KDM4A: variants seen among roughly 807,000 people sequenced by gnomAD.
KDM4A encodes lysine demethylase 4A.
A neutral mutation model predicts 127.1 loss-of-function variants in KDM4A; 23 were observed. The observed-to-expected ratio is 0.18, with a 90% CI of 0.13 to 0.26. The LOEUF (loss-of-function observed/expected upper bound fraction) is 0.26, where lower values mean the gene tolerates loss of function less well. Among genes scored for constraint, KDM4A ranks in the 10% least tolerant of loss-of-function variants. The pLI is 1.00. For synonymous variants in KDM4A, 443 were observed against 466.5 expected, an observed-to-expected ratio of 0.95 and a Z score of 0.65; for missense variants, 890 against 1,329.1, an observed-to-expected ratio of 0.67 and a Z score of 5.14.
intron 10 of KDM4A, among the ~76,000 whole-genome samples, chr1:43,670,808 A>G (rs1660601686): frequency 6.6e-6 from 1 of 151,870 alleles, no homozygotes; most frequent in Non-Finnish European, 1.5e-5. Context: ...TGATCCGCCC[A>G]CCTCAGCCTC....
intron 13 of KDM4A, 108 bp downstream of exon 13, chr1:43,689,203 T>A: frequency 9.0e-7 from 1 of 1,105,406 alleles, no homozygotes; most frequent in African/African-American, 1.6e-5. Context: ...AAAGGCCACC[T>A]CCACCCCCAG....
intron 14 of KDM4A, 126 bp from the exon 15 acceptor site, chr1:43,691,370 G>C (rs1557918152): frequency 1.2e-6 from 1 of 867,018 alleles, no homozygotes; most frequent in Non-Finnish European, 1.9e-6. Context: ...TCAGACTAAA[G>C]AAAACTAAGG....
chr1:43,663,873 GTCC>G (rs1042498614), intron 5 of KDM4A, among the ~76,000 whole-genome samples: 5 of 151,900 alleles, frequency 3.3e-5, no homozygotes, highest in African/African-American at 1.2e-4. Flanking sequence ...GGCTCAAGCA[GTCC>G]TCCTACTTCA....
At chr1:43,682,104 G>A (rs1394398480) in intron 11 of KDM4A, among the ~76,000 whole-genome samples, 1 of 152,156 alleles carries the variant, frequency 6.6e-6, no homozygotes, top group African/African-American at 2.4e-5. Flanking sequence ...GAGTAGCTGG[G>A]ACTACAGGTG....
At chr1:43,669,320 T>C (rs770290976) in intron 10 of KDM4A, 21 bp downstream of exon 10, 1 of 1,611,028 alleles carries the variant, frequency 6.2e-7, no homozygotes, top group Admixed American at 1.7e-5. Flanking sequence ...TATGGTGTAT[T>C]TTCCACAACC....
chr1:43,689,114 C>A lies in KDM4A; in HGVS notation c.2037+19C>A. The A allele has an allele frequency of 6.2e-7, 1 of 1,611,416 alleles. No individual in the cohort carries two copies. The highest frequency in any genetic ancestry group is 2.2e-5 in the East Asian group (1 of 44,860). On this transcript the variant is annotated intron_variant, in intron 13 of 21. Coordinates refer to ENST00000372396, the MANE Select transcript of KDM4A (RefSeq NM_014663.3). ...TCATCAGGTAACCCAGCTCCATGCA[C>A]TCTGTTTACCCAGGACCAGCAATCA... is the stretch of plus-strand genomic sequence containing the variant.
chr1:43,683,720 A>G lies in KDM4A; in HGVS notation c.1771A>G (p.Lys591Glu), dbSNP rs1660909117. Residue 591 changes from lysine (K) to glutamate (E), a missense_variant, in exon 12 of 22, where the codon AAG becomes GAG. Coordinates refer to ENST00000372396, the MANE Select transcript of KDM4A (RefSeq NM_014663.3). ...ATACATGTTTTCCCTAGAAGAGAAT[A>G]AGAAGTCCAAGGGACGCCGTCAGCC... ...DEYMFSLEEN[K>E]KSKGRRQPLS... 1.2e-6 allele frequency: 2 copies of G among 1,613,998 alleles called. No homozygotes were observed. Among genetic ancestry groups the G allele is most frequent in the Non-Finnish European group, 1.7e-6 (2 of 1,180,006 alleles).
chr1:43,672,202 T>G (rs1047000255), intron 11 of KDM4A, among the ~76,000 whole-genome samples: 1 of 152,206 alleles, frequency 6.6e-6, no homozygotes, highest in Admixed American at 6.5e-5. Context: ...TTTTTTTTTT[T>G]TCTTGAGATA....
intron 15 of KDM4A, among the ~76,000 whole-genome samples, chr1:43,691,988 T>C (rs1473123260): frequency 6.6e-6 from 1 of 152,224 alleles, no homozygotes; most frequent in Non-Finnish European, 1.5e-5. Flanking sequence ...GAGCAAAGTA[T>C]CTTTTGTGAC....
chr1:43,665,623 G>T lies in KDM4A; in HGVS notation c.624-73G>T. On this transcript the variant is annotated intron_variant, in intron 5 of 21. Coordinates refer to ENST00000372396, the MANE Select transcript of KDM4A (RefSeq NM_014663.3). ...AAAATCTGCTATTTCAAGGTGTTTT[G>T]AGAGTGGGAATAAGTCCCTTAGCTT... 4 of 1,407,952 alleles carry T rather than the reference G, an allele frequency of 2.8e-6. No individual in the cohort carries two copies. The South Asian group carries it at 4.7e-5, about 17-fold the overall frequency. The allele number at this position is 1,407,952 out of a possible 1,614,324, so 87.2% of individuals were successfully genotyped here.
intron 12 of KDM4A, among the ~76,000 whole-genome samples, chr1:43,686,535 C>T (rs1443172334): frequency 6.6e-6 from 1 of 151,858 alleles, no homozygotes; most frequent in African/African-American, 2.4e-5. Context: ...CGGGGTTTCA[C>T]CATGTTGGCC....
At chr1:43,652,393 G>A (rs1660134236) in intron 1 of KDM4A, among the ~76,000 whole-genome samples, 2 of 151,760 alleles carry the variant, frequency 1.3e-5, no homozygotes, top group South Asian at 4.2e-4. Flanking sequence ...TCCTATTGCA[G>A]TAACAATGTC....
At chr1:43,671,483 C>G (rs757274568) in intron 10 of KDM4A, 22 bp from the exon 11 acceptor site, 4 of 1,527,646 alleles carry the variant, frequency 2.6e-6, no homozygotes, top group South Asian at 1.3e-5. Context: ...TTGGCTCTGT[C>G]TAATGTGTAT....
At chr1:43,676,864 A>G (rs1273059536) in intron 11 of KDM4A, among the ~76,000 whole-genome samples, 4 of 152,164 alleles carry the variant, frequency 2.6e-5, no homozygotes, top group Non-Finnish European at 4.4e-5. Context: ...AAATTATTCT[A>G]TTTTGAAATG....
rs1261855368 is a variant in KDM4A, at chr1:43,669,208, G to A, written c.1272G>A (p.Gln424=). Residue 424 remains glutamine, a synonymous_variant, in exon 10 of 22, where the codon CAG becomes CAA. Transcript: ENST00000372396. ...CCAAGGAGGATCTGAGTTCTGAGCA[G>A]TATGAGATGACGGAGTGCCCGGCAG... ...LFPKEDLSSE[Q]YEMTECPAAL... 6.2e-7 allele frequency: 1 copy of A among 1,614,102 alleles called. No homozygotes were observed. Among genetic ancestry groups the A allele is most frequent in the East Asian group, 2.2e-5 (1 of 44,896 alleles).
intron 18 of KDM4A, among the ~76,000 whole-genome samples, chr1:43,695,699 G>A (rs746200139): frequency 1.2e-4 from 18 of 152,188 alleles, no homozygotes; most frequent in Non-Finnish European, 2.2e-4. Context: ...AGAATTTGAG[G>A]CTGGAAAACC....
intron 10 of KDM4A, 124 bp downstream of exon 10, chr1:43,669,423 T>A: frequency 1.0e-6 from 1 of 960,464 alleles, no homozygotes; most frequent in Non-Finnish European, 1.6e-6. Context: ...GCAGATAGCA[T>A]ACTTGGAGTG....
At chr1:43,661,046 C>T (rs907836596) in intron 4 of KDM4A, among the ~76,000 whole-genome samples, 2 of 151,694 alleles carry the variant, frequency 1.3e-5, no homozygotes, top group African/African-American at 2.4e-5. Flanking sequence ...GCGATCTCAG[C>T]TTACCGCAAC....
At chr1:43,689,214 C>G in intron 13 of KDM4A, 119 bp downstream of exon 13, 1 of 974,324 alleles carries the variant, frequency 1.0e-6, no homozygotes, top group South Asian at 1.5e-5. Flanking sequence ...CCACCCCCAG[C>G]ATTCTCTGCC....
Sources: allele counts gnomAD v4.1 joint callset (sites outside exome capture counted in the v4.1 genomes callset), GRCh38; gene constraint gnomAD v4.1.1; transcripts MANE v1.5; gene names NCBI Gene and HGNC (gene_info 2026-07-23, HGNC 2026-07-21).